Variants in MID1 observed in about 807,000 individuals in gnomAD.
The protein encoded by MID1 is E3 ubiquitin-protein ligase Midline-1.
In MID1, 7 loss-of-function variants were observed where a neutral mutation model predicts 40.4. That is an observed-to-expected ratio of 0.17 (90% CI 0.10 to 0.33). MID1 has a LOEUF of 0.33. MID1 is among the 10% of genes least tolerant of loss of function. The probability of loss-of-function intolerance (pLI) is 1.00; values close to 1 mark genes in which losing one functional copy is unlikely to be tolerated. For missense variants in MID1, 367 were observed against 558.5 expected (o/e 0.66, Z 3.46); for synonymous variants, 229 against 221.2 (o/e 1.04, Z -0.31).
chrX:10,457,597 C>T (rs1384895507), intron 8 of MID1, among the ~76,000 whole-genome samples: 1 of 112,010 alleles, frequency 8.9e-6, no homozygotes, highest in Non-Finnish European at 1.9e-5. Flanking sequence ...TCCTTGTAAT[C>T]CACTCACCAC....
At chrX:10,664,158 GTTTC>G (rs112505652) in intron 1 of MID1, among the ~76,000 whole-genome samples, 13,724 of 108,173 alleles carry the variant, frequency 0.13, 1,421 homozygotes, top group African/African-American at 0.35. Context: ...GTATCTGTTT[GTTTC>G]TTTGTTTGTT....
intron 2 of MID1, among the ~76,000 whole-genome samples, chrX:10,547,809 AAC>A (rs774220744): frequency 1.2e-4 from 13 of 111,406 alleles, no homozygotes; most frequent in African/African-American, 4.2e-4. Flanking sequence ...ATAATTTGGG[AAC>A]TCAAATTTAA....
At chrX:10,625,563 C>T (rs369487228), upstream of MID1, among the ~76,000 whole-genome samples, 12 of 111,781 alleles carry the variant, frequency 1.1e-4, no homozygotes, top group South Asian at 3.8e-3. Context: ...AGTAGAAGGC[C>T]GTCTTCTTTA....
intron 2 of MID1, among the ~76,000 whole-genome samples, chrX:10,556,685 G>GC (rs1934135255): frequency 8.9e-6 from 1 of 112,150 alleles, no homozygotes; most frequent in South Asian, 3.7e-4. Flanking sequence ...CACTTTACAA[G>GC]CATTTTCCTT....
At chrX:10,540,224 C>T (rs1849787137) in intron 2 of MID1, among the ~76,000 whole-genome samples, 1 of 111,414 alleles carries the variant, frequency 9.0e-6, no homozygotes, top group Non-Finnish European at 1.9e-5. Context: ...AAAAAAGGAT[C>T]GTGGAAGACT....
At position 10,536,103 on chromosome X, in the gene MID1, T is replaced by C. The variant is rs1490552734; in HGVS notation, c.661-12916A>G. Among the ~76,000 whole-genome samples the C allele has an allele frequency of 3.6e-5, 4 of 110,023 alleles. No individual in the cohort carries two copies. In the Admixed American group the frequency reaches 3.9e-4, roughly 11 times the overall value. Reference sequence around the variant, plus strand: ...AGCTGGGCGTGGTGGCATGCACCTATAGTCCCAGCAACTCCGGAGGATGAG... The same window carrying C: ...AGCTGGGCGTGGTGGCATGCACCTACAGTCCCAGCAACTCCGGAGGATGAG... On this transcript the variant is annotated intron_variant, in intron 2 of 9. Transcript: ENST00000317552.
At chrX:10,590,408 G>C (rs1418456402) in intron 1 of MID1, among the ~76,000 whole-genome samples, 1 of 111,614 alleles carries the variant, frequency 9.0e-6, no homozygotes, top group Non-Finnish European at 1.9e-5. Context: ...GGAAGTCTGG[G>C]TGGTGGGTGC....
intron 1 of MID1, among the ~76,000 whole-genome samples, chrX:10,811,960 G>A (rs1478743300): frequency 4.5e-5 from 5 of 111,798 alleles, no homozygotes; most frequent in African/African-American, 1.6e-4. Context: ...AGGTAAGAAG[G>A]TTTTTTTGTT....
chrX:10,509,921 C>G (rs187225227), intron 3 of MID1, among the ~76,000 whole-genome samples: 82 of 112,154 alleles, frequency 7.3e-4, no homozygotes, highest in African/African-American at 2.3e-3. Flanking sequence ...GTCCAACCAA[C>G]TAGGAGAAGG....
intron 1 of MID1, among the ~76,000 whole-genome samples, chrX:10,618,789 G>A (rs1935883421): frequency 9.0e-6 from 1 of 111,638 alleles, no homozygotes; most frequent in South Asian, 3.9e-4. Flanking sequence ...TCTGGAAATT[G>A]AGCTCAGACA....
intron 1 of MID1, among the ~76,000 whole-genome samples, chrX:10,723,651 A>G (rs895281281): frequency 8.9e-6 from 1 of 112,739 alleles, no homozygotes; most frequent in Non-Finnish European, 1.9e-5. Context: ...TCCCGGGTTC[A>G]CGCCATTCTC....
chrX:10,695,864 C>T (rs963083575), intron 1 of MID1, among the ~76,000 whole-genome samples: 2 of 111,428 alleles, frequency 1.8e-5, no homozygotes, highest in African/African-American at 6.5e-5. Flanking sequence ...TAAAAATACA[C>T]AGTATGAAAA....
At chrX:10,761,198 A>C (rs951897593) in intron 1 of MID1, among the ~76,000 whole-genome samples, 2 of 111,488 alleles carry the variant, frequency 1.8e-5, no homozygotes, top group Non-Finnish European at 3.8e-5. Context: ...GTAAATTGTT[A>C]AGAGAGTCTA....
chrX:10,714,405 C>G (rs1280589433), intron 1 of MID1, among the ~76,000 whole-genome samples: 1 of 111,760 alleles, frequency 8.9e-6, no homozygotes, highest in Non-Finnish European at 1.9e-5. Context: ...AAAGGGAGCC[C>G]TAAATCCTGT....
At chrX:10,734,933 G>A (rs1161468242) in intron 1 of MID1, among the ~76,000 whole-genome samples, 1 of 111,550 alleles carries the variant, frequency 9.0e-6, no homozygotes, top group Non-Finnish European at 1.9e-5. Flanking sequence ...CTGAGCTCAG[G>A]AGTGGCTTTG....
At chrX:10,737,783 G>T (rs778868759) in intron 1 of MID1, among the ~76,000 whole-genome samples, 2 of 110,040 alleles carry the variant, frequency 1.8e-5, no homozygotes, top group African/African-American at 3.3e-5. Context: ...GGGAGAAGAG[G>T]GATGCAAGAA....
chrX:10,675,435 C>T (rs1351308544), intron 1 of MID1, among the ~76,000 whole-genome samples: 1 of 111,012 alleles, frequency 9.0e-6, no homozygotes, highest in Non-Finnish European at 1.9e-5. Context: ...ATTTGGTTCT[C>T]AGCTATGAGG....
chrX:10,459,830 T>C, intron 7 of MID1, 23 bp from the exon 8 acceptor site: 1 of 1,197,062 alleles, frequency 8.4e-7, no homozygotes, highest in Non-Finnish European at 1.1e-6. Flanking sequence ...TCAGACATGG[T>C]GCAGTTCTTT....
chrX:10,582,305 C>T (rs763923851), intron 1 of MID1, among the ~76,000 whole-genome samples: 187 of 111,854 alleles, frequency 1.7e-3, no homozygotes, highest in Non-Finnish European at 2.7e-3. Flanking sequence ...GCGCGAGATA[C>T]TACCTCTATC....
Sources: allele counts gnomAD v4.1 joint callset (sites outside exome capture counted in the v4.1 genomes callset), GRCh38; gene constraint gnomAD v4.1.1; transcripts MANE v1.5; gene names NCBI Gene and HGNC (gene_info 2026-07-23, HGNC 2026-07-21).